Variants in DLX6 observed in about 807,000 individuals in gnomAD.
DLX6 encodes homeobox protein DLX-6.
DLX6 carries 4 observed loss-of-function variants against 33.5 expected under a neutral mutation model. That is an observed-to-expected ratio of 0.12 (90% CI 0.06 to 0.27). The LOEUF (loss-of-function observed/expected upper bound fraction) is 0.27. Among genes scored for constraint, DLX6 ranks in the 10% least tolerant of loss-of-function variants. The probability of loss-of-function intolerance (pLI) is 1.00; values close to 1 mark genes in which losing one functional copy is unlikely to be tolerated. For missense variants in DLX6, 382 were observed against 393.3 expected, an observed-to-expected ratio of 0.97 and a Z score of 0.24; for synonymous variants, 184 against 164.8, an observed-to-expected ratio of 1.12 and a Z score of -0.89.
At position 97,009,996 on chromosome 7, in the gene DLX6, C is replaced by G; in HGVS notation, c.831C>G (p.His277Gln). ...ACAGCTACATGCCTGGCTATTCTCA[C>G]TGGTACTCCTCTCCACACCAGGACA... ...PPNSYMPGYSHWYSSPHQDTM... is the reference protein window; with the variant it reads ...PPNSYMPGYSQWYSSPHQDTM... Residue 277 changes from histidine to glutamine, a missense_variant, in exon 3 of 3, where the codon CAC becomes CAG. His to Gln is a conservative substitution (Grantham distance 24). Transcript: ENST00000518156. The G allele has an allele frequency of 6.2e-7, 1 of 1,609,392 alleles. No homozygotes were observed. Among genetic ancestry groups the G allele is most frequent in the Non-Finnish European group, 8.5e-7 (1 of 1,177,706 alleles).
At chr7:97,007,248 T>C (rs1385422047) in intron 1 of DLX6, 1 of 506,528 alleles carries the variant, frequency 2.0e-6, no homozygotes, top group Non-Finnish European at 3.5e-6. Flanking sequence ...CGTAAACACC[T>C]GGGTGGCTCA....
chr7:97,010,306 A>C lies in DLX6; in HGVS notation c.*259A>C. On this transcript the variant is annotated 3_prime_UTR_variant, in exon 3 of 3. Transcript: ENST00000518156. ...CTTTTTGCCTTTCACCTTTTTTCTC[A>C]TTTACCTTCTCTCTTGAGCAACGTC... is the stretch of plus-strand genomic sequence containing the variant. The C allele has an allele frequency of 2.3e-6, 1 of 428,228 alleles. No individual in the cohort carries two copies. The allele number at this position is 428,228 out of a possible 1,614,324, so 26.5% of individuals were successfully genotyped here.
chr7:97,007,265 G>C (rs563273002), intron 1 of DLX6: 301 of 543,986 alleles, frequency 5.5e-4, no homozygotes, highest in African/African-American at 5.1e-3. Flanking sequence ...CTCAAGCACA[G>C]CTTCAGGTAC....
rs1050431898 is a variant in DLX6, at chr7:97,010,116, TGCGAAAAGGAGCCAAAGG to T, written c.*70_*87del. Reference sequence around the variant, plus strand: ...AGAGGATCCGGGACCTGCTTGTATCTGCGAAAAGGAGCCAAAGGAGCAGGCTTAGGAGAGCTCATAAGT... The same window carrying T: ...AGAGGATCCGGGACCTGCTTGTATCTAGCAGGCTTAGGAGAGCTCATAAGT... On this transcript the variant is annotated 3_prime_UTR_variant, in exon 3 of 3. Transcript: ENST00000518156. 1 of 1,526,914 alleles carries T rather than the reference TGCGAAAAGGAGCCAAAGG, an allele frequency of 6.5e-7. No individual in the cohort carries two copies. Among genetic ancestry groups the T allele is most frequent in the African/African-American group, 1.4e-5 (1 of 72,276 alleles). The allele number at this position is 1,526,914 out of a possible 1,614,324, so 94.6% of individuals were successfully genotyped here. A position where few individuals can be genotyped will look rare whatever the true frequency, so the allele number is the denominator to read the frequency against.
rs753699165 is a variant in DLX6 at position 97,006,127 on chromosome 7, G to A, written c.150G>A (p.Pro50=). The A allele has an allele frequency of 7.2e-5, 111 of 1,544,774 alleles. 2 individuals carry two copies. In the South Asian group the frequency reaches 1.3e-3, roughly 18 times the overall value. The change falls in exon 1 of 3, where the codon CCG becomes CCA. Residue 50 remains proline (P), a synonymous_variant. Coordinates refer to ENST00000518156, the MANE Select transcript of DLX6 (RefSeq NM_005222.4). ...QQQQQPPPPP[P]PPPQPHSQQS... Reference sequence around the variant, plus strand: ...AGCAACAGCCGCCGCCGCCGCCGCCGCCGCCGCCGCAGCCGCACTCGCAGC... The same window carrying A: ...AGCAACAGCCGCCGCCGCCGCCGCCACCGCCGCCGCAGCCGCACTCGCAGC...
intron 1 of DLX6, 119 bp downstream of exon 1, chr7:97,006,532 G>A: frequency 9.0e-7 from 1 of 1,109,062 alleles, no homozygotes. Context: ...GCGGCCCCGC[G>A]CGCCCTTGGC....
rs781159910 is a variant in DLX6, at chr7:97,009,915, G to A, written c.750G>A (p.Ala250=). The A allele has an allele frequency of 6.4e-5, 104 of 1,613,956 alleles. No individual in the cohort carries two copies. Among genetic ancestry groups the A allele is most frequent in the East Asian group, 8.9e-5 (4 of 44,866 alleles). ...GSAALSPRSP[A]LPPVWDVSAS... is the part of the protein sequence containing the mutation. ...CGGCCCTGTCGCCACGCTCGCCAGC[G>A]CTGCCTCCAGTCTGGGACGTTTCTG... The change falls in exon 3 of 3, where the codon GCG becomes GCA. Residue 250 remains alanine, a synonymous_variant. Coordinates refer to ENST00000518156, the MANE Select transcript of DLX6 (RefSeq NM_005222.4).
Position 97,009,939 on chromosome 7 carries a change from TGCCTCG to T in DLX6, c.778_783del (p.Ser260_Ala261del). ...CGCTGCCTCCAGTCTGGGACGTTTCTGCCTCGGCCAAGGGTGTCAGTATGCCCCCCA... is the reference window on the plus strand; with the variant it reads ...CGCTGCCTCCAGTCTGGGACGTTTCTGCCAAGGGTGTCAGTATGCCCCCCA... On this transcript the variant is annotated inframe_deletion, in exon 3 of 3. Coordinates refer to ENST00000518156, the MANE Select transcript of DLX6 (RefSeq NM_005222.4). 6.2e-7 allele frequency: 1 copy of T among 1,613,962 alleles called. No individual in the cohort carries two copies. The highest frequency in any genetic ancestry group is 8.5e-7 in the Non-Finnish European group (1 of 1,179,856).
intron 1 of DLX6, chr7:97,007,313 A>G: frequency 1.7e-6 from 1 of 584,580 alleles, no homozygotes; most frequent in Non-Finnish European, 3.0e-6. Context: ...CCGCCCGGAC[A>G]GCTGCCGCCT....
rs753838572 is a variant in DLX6 at position 97,005,843 on chromosome 7, C to CTTTTTTTTTTTTTT, written c.-124_-111dup. The CTTTTTTTTTTTTTT allele has an allele frequency of 4.6e-6, 1 of 215,776 alleles. No homozygotes were observed. Among genetic ancestry groups the CTTTTTTTTTTTTTT allele is most frequent in the Non-Finnish European group, 7.9e-6 (1 of 126,450 alleles). 13.4% of individuals were successfully genotyped at this position (215,776 alleles called of 1,614,324 possible). ...CCACCTCCACCCCCCTCTTTAAATTCTTTTTTTTTTTTTTTTTTTTTTTTG... is the reference window on the plus strand; with the variant it reads ...CCACCTCCACCCCCCTCTTTAAATTCTTTTTTTTTTTTTTTTTTTTTTTTTTTTTTTTTTTTTTG... On this transcript the variant is annotated 5_prime_UTR_variant, in exon 1 of 3. Transcript: ENST00000518156.
chr7:97,010,732 C>A lies in DLX6; in HGVS notation c.*685C>A, dbSNP rs1201593794. ...TTAGAACATTGCTACAAAGGGAATG[C>A]TGCATGTTTTATCAAAATGCAATGA... On this transcript the variant is annotated 3_prime_UTR_variant, in exon 3 of 3. Coordinates refer to ENST00000518156, the MANE Select transcript of DLX6 (RefSeq NM_005222.4). 1 of 152,368 alleles carries A rather than the reference C, an allele frequency of 6.6e-6. No homozygotes were observed. The highest frequency in any genetic ancestry group is 2.4e-5 in the African/African-American group (1 of 41,346). 9.4% of individuals were successfully genotyped at this position (152,368 alleles called of 1,614,324 possible). A position where few individuals can be genotyped will look rare whatever the true frequency, so the allele number is the denominator to read the frequency against.
intron 1 of DLX6, 120 bp from the exon 2 acceptor site, chr7:97,007,518 G>A (rs1040406258): frequency 1.1e-6 from 1 of 908,930 alleles, no homozygotes; most frequent in South Asian, 1.4e-5. Context: ...GGCATCATAG[G>A]GATTTTTCGA....
chr7:97,007,795 C>G lies in DLX6; in HGVS notation c.594C>G (p.Ala198=). The G allele has an allele frequency of 1.2e-6, 2 of 1,610,050 alleles. No homozygotes were observed. Among genetic ancestry groups the G allele is most frequent in the South Asian group, 1.1e-5 (1 of 90,030 alleles). ...AGTATCTGGCCCTTCCAGAGAGAGC[C>G]GAACTGGCAGCTTCCTTAGGACTGA... The part of the protein sequence containing the change: ...QTQYLALPER[A]ELAASLGLTQ... Residue 198 remains alanine (A), a synonymous_variant, in exon 2 of 3, where the codon GCC becomes GCG. Coordinates refer to ENST00000518156, the MANE Select transcript of DLX6 (RefSeq NM_005222.4).
intron 1 of DLX6, chr7:97,007,370 G>A (rs1269883675): frequency 3.3e-6 from 2 of 597,828 alleles, no homozygotes; most frequent in East Asian, 5.5e-5. Flanking sequence ...CCTCCGCTGC[G>A]GCAAAGCGGG....
rs1789711540 is a variant in DLX6 at position 97,006,073 on chromosome 7, GCAA to G, written c.99_101del (p.Gln44del). The G allele has an allele frequency of 3.8e-6, 6 of 1,562,654 alleles. No individual in the cohort carries two copies. Among genetic ancestry groups the G allele is most frequent in the East Asian group, 2.4e-5 (1 of 41,962 alleles). ...TCGGGCAGCAGCAGCAGCAGCAGCA[GCAA>G]CAGCAGCAGCAGCAGCAGCAGCAAC... On this transcript the variant is annotated inframe_deletion, in exon 1 of 3. Transcript: ENST00000518156.
chr7:97,007,596 T>G lies in DLX6; in HGVS notation c.437-42T>G, dbSNP rs192672469. On this transcript the variant is annotated intron_variant, in intron 1 of 2. Transcript: ENST00000518156. Reference sequence around the variant, plus strand: ...GCCAGGAGCAGGGAGATGGCAGCAGTAGCCTCCCGGGTGACCGCTCCTCTG... The same window carrying G: ...GCCAGGAGCAGGGAGATGGCAGCAGGAGCCTCCCGGGTGACCGCTCCTCTG... 16 of 1,558,312 alleles carry G rather than the reference T, an allele frequency of 1.0e-5. No individual in the cohort carries two copies. The East Asian group carries it at 3.3e-4, about 32-fold the overall frequency.
In DLX6 at chr7:97,010,529, G is replaced by A. The variant is rs1219165539; in HGVS notation, c.*482G>A. ...AAAACAGATTTTCCCCCAACCAGAA[G>A]AATCTGCACAAACTTGGCAGCGTTT... On this transcript the variant is annotated 3_prime_UTR_variant, in exon 3 of 3. Coordinates refer to ENST00000518156, the MANE Select transcript of DLX6 (RefSeq NM_005222.4). 1 of 154,052 alleles carries A rather than the reference G, an allele frequency of 6.5e-6. No homozygotes were observed. Among genetic ancestry groups the A allele is most frequent in the Non-Finnish European group, 1.4e-5 (1 of 69,308 alleles). 9.5% of individuals were successfully genotyped at this position (154,052 alleles called of 1,614,324 possible).
In DLX6 at chr7:97,009,903, A is replaced by G. The variant is rs1789811012; in HGVS notation, c.738A>G (p.Pro246=). ...DPLQGSAALS[P]RSPALPPVWD... ...TCCAGGGCTCGGCGGCCCTGTCGCC[A>G]CGCTCGCCAGCGCTGCCTCCAGTCT... Residue 246 remains proline (P), a synonymous_variant, in exon 3 of 3, where the codon CCA becomes CCG. Coordinates refer to ENST00000518156, the MANE Select transcript of DLX6 (RefSeq NM_005222.4). 6.2e-7 allele frequency: 1 copy of G among 1,613,986 alleles called. No individual in the cohort carries two copies. Among genetic ancestry groups the G allele is most frequent in the East Asian group, 2.2e-5 (1 of 44,866 alleles).
chr7:97,006,152 C>G lies in DLX6; in HGVS notation c.175C>G (p.Gln59Glu), dbSNP rs1789721589. ...GCCGCCGCCGCAGCCGCACTCGCAGCAGAGCTCCCCGGCCATGGCAGGCGC... is the reference window on the plus strand; with the variant it reads ...GCCGCCGCCGCAGCCGCACTCGCAGGAGAGCTCCCCGGCCATGGCAGGCGC... ...PPPPPQPHSQ[Q>E]SSPAMAGAHY... Residue 59 changes from glutamine (Q) to glutamate (E), a missense_variant, in exon 1 of 3, where the codon CAG (glutamine) becomes GAG (glutamate). By Grantham distance (29) the Gln-to-Glu change is conservative. This residue lies in a region of DLX6 where 257 missense variants were observed against 206.9 expected (regional missense o/e 1.24). Coordinates refer to ENST00000518156, the MANE Select transcript of DLX6 (RefSeq NM_005222.4). 6.5e-7 allele frequency: 1 copy of G among 1,543,240 alleles called. No homozygotes were observed. Among genetic ancestry groups the G allele is most frequent in the Non-Finnish European group, 8.8e-7 (1 of 1,141,372 alleles).
Sources: allele counts gnomAD v4.1 joint callset, GRCh38; gene constraint gnomAD v4.1.1; regional missense constraint gnomAD v4.1.1; transcripts MANE v1.5; gene names NCBI Gene and HGNC (gene_info 2026-07-23, HGNC 2026-07-21).